Variants in GNA14 observed in about 807,000 individuals in gnomAD.
The protein encoded by GNA14 is G protein subunit alpha 14.
A neutral mutation model predicts 42.0 loss-of-function variants in GNA14; 50 were observed. The ratio of observed to expected loss-of-function variants is 1.19; its 90% CI spans 0.95 to 1.51. The LOEUF is 1.51. Ranked by LOEUF, GNA14 falls within the 40% of genes most tolerant of loss-of-function variation. The probability of loss-of-function intolerance (pLI) is 0.00; values close to 1 mark genes in which losing one functional copy is unlikely to be tolerated. For missense variants in GNA14, 473 were observed against 446.2 expected (o/e 1.06, Z -0.54); for synonymous variants, 173 against 163.1 (o/e 1.06, Z -0.46).
chr9:77,634,542 G>A (rs1824151314), intron 1 of GNA14, among the ~76,000 whole-genome samples: 1 of 151,948 alleles, frequency 6.6e-6, no homozygotes, highest in Admixed American at 6.6e-5. Flanking sequence ...AAGGCAGGCA[G>A]GCAGGCAGAA....
At chr9:77,627,173 A>T (rs918817878) in intron 1 of GNA14, among the ~76,000 whole-genome samples, 1 of 152,210 alleles carries the variant, frequency 6.6e-6, no homozygotes, top group Admixed American at 6.5e-5. Flanking sequence ...CCCTCCCAAG[A>T]CTAAACCAGG....
chr9:77,469,459 C>G (rs573661234), intron 2 of GNA14, among the ~76,000 whole-genome samples: 34 of 149,464 alleles, frequency 2.3e-4, no homozygotes, highest in African/African-American at 7.9e-4. Context: ...TTGTGTCACC[C>G]TAAAATTAAT....
intron 1 of GNA14, among the ~76,000 whole-genome samples, chr9:77,532,137 G>GTT (rs1837538719): frequency 6.6e-6 from 1 of 151,980 alleles, no homozygotes; most frequent in East Asian, 1.9e-4. Flanking sequence ...TTTTCCAGAA[G>GTT]GGAAATGGAA....
intron 1 of GNA14, among the ~76,000 whole-genome samples, chr9:77,550,554 G>C (rs1837775687): frequency 6.6e-6 from 1 of 152,194 alleles, no homozygotes; most frequent in Non-Finnish European, 1.5e-5. Flanking sequence ...TACCATCGCA[G>C]TGCACATCTA....
intron 2 of GNA14, among the ~76,000 whole-genome samples, chr9:77,463,847 C>A (rs1199554219): frequency 6.6e-6 from 1 of 152,146 alleles, no homozygotes; most frequent in East Asian, 1.9e-4. Flanking sequence ...AATCCTGGGG[C>A]TGTCTGGCTT....
At chr9:77,459,023 G>C (rs1205579502) in intron 2 of GNA14, among the ~76,000 whole-genome samples, 2 of 152,026 alleles carry the variant, frequency 1.3e-5, no homozygotes, top group African/African-American at 4.8e-5. Context: ...AAAAAAGTAA[G>C]GGACATGCGC....
chr9:77,461,779 G>T (rs10119698), intron 2 of GNA14, among the ~76,000 whole-genome samples: 1 of 151,924 alleles, frequency 6.6e-6, no homozygotes. Flanking sequence ...CCAGCAAACC[G>T]TCTTTCCCTA....
At chr9:77,438,368 A>G (rs1835672486) in intron 2 of GNA14, among the ~76,000 whole-genome samples, 1 of 151,992 alleles carries the variant, frequency 6.6e-6, no homozygotes, top group South Asian at 2.1e-4. Flanking sequence ...ACCGGGTTCA[A>G]GCAATTCTCC....
At chr9:77,548,065 G>A (rs2131780020) in intron 1 of GNA14, among the ~76,000 whole-genome samples, 1 of 152,184 alleles carries the variant, frequency 6.6e-6, no homozygotes, top group East Asian at 1.9e-4. Flanking sequence ...GAGAAAGTTG[G>A]AAAAGGTGCC....
At chr9:77,509,960 G>A (rs1321092767) in intron 2 of GNA14, among the ~76,000 whole-genome samples, 1 of 152,194 alleles carries the variant, frequency 6.6e-6, no homozygotes, top group Non-Finnish European at 1.5e-5. Context: ...TTTAATAACA[G>A]TTTTCTTGTG....
intron 1 of GNA14, among the ~76,000 whole-genome samples, chr9:77,572,731 A>T (rs937867404): frequency 6.6e-6 from 1 of 152,200 alleles, no homozygotes; most frequent in African/African-American, 2.4e-5. Flanking sequence ...ATGCCTTGAA[A>T]ATCTTGCAAA....
intron 1 of GNA14, among the ~76,000 whole-genome samples, chr9:77,575,273 C>T (rs1823110654): frequency 6.6e-6 from 1 of 152,090 alleles, no homozygotes; most frequent in African/African-American, 2.4e-5. Flanking sequence ...ATCCCAGCTA[C>T]TCAGAAGCGG....
rs1388693062 is a variant in GNA14, at chr9:77,524,110, C to A, written c.309+4959G>T. Among the ~76,000 whole-genome samples, 16 of 152,182 alleles carry A rather than the reference C, an allele frequency of 1.1e-4. 1 individual carries two copies. Among genetic ancestry groups the A allele is most frequent in the Admixed American group, 7.2e-4 (11 of 15,282 alleles). On this transcript the variant is annotated intron_variant, in intron 2 of 6. Coordinates refer to ENST00000341700, the MANE Select transcript of GNA14 (RefSeq NM_004297.4). ...ATAAATTCAAATTGCTCCCATAAAA[C>A]ACTCTTGAGAGACATTCATAAAAAT...
Position 77,647,841 on chromosome 9 carries a change from C to G in GNA14, c.-48G>C, listed in dbSNP as rs927258579. 5.7e-6 allele frequency: 9 copies of G among 1,579,400 alleles called. No homozygotes were observed. The Admixed American group carries it at 1.6e-4, about 28-fold the overall frequency. ...ACGGGGCGACGCGGCCCCGGGCACCCGAATCCTCGGCCCGGCCGCTCACCC... is the reference window on the plus strand; with the variant it reads ...ACGGGGCGACGCGGCCCCGGGCACCGGAATCCTCGGCCCGGCCGCTCACCC... On this transcript the variant is annotated 5_prime_UTR_variant, in exon 1 of 7. Transcript: ENST00000341700.
intron 1 of GNA14, among the ~76,000 whole-genome samples, chr9:77,636,659 G>A (rs1824188605): frequency 6.8e-6 from 1 of 146,918 alleles, no homozygotes; most frequent in Non-Finnish European, 1.5e-5. Flanking sequence ...AGCAAGAGAG[G>A]TGGGGAAGTG....
intron 1 of GNA14, among the ~76,000 whole-genome samples, chr9:77,582,106 T>C (rs951102485): frequency 8.5e-5 from 13 of 152,252 alleles, no homozygotes; most frequent in Non-Finnish European, 1.8e-4. Context: ...ACCTGGATCA[T>C]GTGTCCTATC....
chr9:77,428,230 C>G (rs1212307833), intron 5 of GNA14, among the ~76,000 whole-genome samples: 2 of 151,980 alleles, frequency 1.3e-5, no homozygotes, highest in Non-Finnish European at 2.9e-5. Context: ...AGGCGCCCAC[C>G]ACCACGCCCG....
intron 1 of GNA14, among the ~76,000 whole-genome samples, chr9:77,607,112 C>T (rs1823654934): frequency 6.6e-6 from 1 of 152,226 alleles, no homozygotes; most frequent in South Asian, 2.1e-4. Flanking sequence ...GCAGCCCAAG[C>T]TGATTAAGAC....
At chr9:77,476,321 C>T (rs181279472) in intron 2 of GNA14, among the ~76,000 whole-genome samples, 43 of 152,284 alleles carry the variant, frequency 2.8e-4, no homozygotes, top group Admixed American at 1.6e-3. Context: ...AACCCAGCAT[C>T]GCCATCTCTA....
Sources: allele counts gnomAD v4.1 joint callset (sites outside exome capture counted in the v4.1 genomes callset), GRCh38; gene constraint gnomAD v4.1.1; transcripts MANE v1.5; gene names NCBI Gene and HGNC (gene_info 2026-07-23, HGNC 2026-07-21).